The following SYT9 variants were observed in gnomAD, a reference collection of about 807,000 sequenced individuals.
SYT9 encodes synaptotagmin-9.
Under a neutral mutation model 48.4 loss-of-function variants are expected in SYT9, and 22 were observed. The ratio of observed to expected loss-of-function variants is 0.45; its 90% CI spans 0.32 to 0.65. The LOEUF (loss-of-function observed/expected upper bound fraction) is 0.65, where lower values mean the gene tolerates loss of function less well. Among genes scored for constraint, SYT9 ranks in the 30% least tolerant of loss-of-function variants. The pLI is 0.03. For missense variants in SYT9, 577 were observed against 622.0 expected (o/e 0.93, Z 0.77); for synonymous variants, 265 against 245.0 (o/e 1.08, Z -0.76).
At chr11:7,411,722 G>A (rs1444858228) in intron 3 of SYT9, among the ~76,000 whole-genome samples, 1 of 152,042 alleles carries the variant, frequency 6.6e-6, no homozygotes, top group African/African-American at 2.4e-5. Flanking sequence ...GTATTTGTGT[G>A]GGGTTCTCTG....
At chr11:7,425,830 A>G (rs1162948334) in intron 6 of SYT9, among the ~76,000 whole-genome samples, 4 of 152,202 alleles carry the variant, frequency 2.6e-5, no homozygotes, top group African/African-American at 9.7e-5. Context: ...TGCTGCTGCA[A>G]TATCTTGCCC....
intron 3 of SYT9, among the ~76,000 whole-genome samples, chr11:7,382,196 C>T (rs1850578292): frequency 6.6e-6 from 1 of 152,176 alleles, no homozygotes; most frequent in Non-Finnish European, 1.5e-5. Flanking sequence ...GCCATCCTGC[C>T]CAATGGTCTC....
At chr11:7,439,330 C>G (rs910445976) in intron 6 of SYT9, 1 of 152,246 alleles carries the variant, frequency 6.6e-6, no homozygotes, top group African/African-American at 2.4e-5. Context: ...TGTGCTCCAG[C>G]AGACAAAGAA....
chr11:7,254,619 C>A (rs1050453085), intron 1 of SYT9, among the ~76,000 whole-genome samples: 1 of 152,140 alleles, frequency 6.6e-6, no homozygotes, highest in Non-Finnish European at 1.5e-5. Flanking sequence ...CACAGCAGCC[C>A]TGAGACATGG....
chr11:7,252,341 G>A lies in SYT9; in HGVS notation c.145+10G>A. On this transcript the variant is annotated intron_variant, in intron 1 of 6. Transcript: ENST00000318881. The surrounding 1 kb of genome is among the most constrained non-coding windows in gnomAD (Gnocchi z 6.3). ...CGGCTCCGCGACCCAGGTGAGTGCC[G>A]CCACCGCCGCCTGGAGGGACCTAAG... is the stretch of plus-strand genomic sequence containing the variant. The A allele has an allele frequency of 5.5e-6, 8 of 1,456,234 alleles. No homozygotes were observed. The highest frequency in any genetic ancestry group is 2.9e-5 in the South Asian group (2 of 70,080). 90.2% of individuals were successfully genotyped at this position (1,456,234 alleles called of 1,614,324 possible). A position where few individuals can be genotyped will look rare whatever the true frequency, so the allele number is the denominator to read the frequency against.
intron 1 of SYT9, among the ~76,000 whole-genome samples, chr11:7,265,159 A>G (rs1465468393): frequency 1.3e-5 from 2 of 152,240 alleles, no homozygotes; most frequent in East Asian, 3.9e-4. Flanking sequence ...ATGTGCCTGG[A>G]AAGATGTGCT....
At chr11:7,412,178 C>T (rs911243439) in intron 3 of SYT9, among the ~76,000 whole-genome samples, 1 of 152,140 alleles carries the variant, frequency 6.6e-6, no homozygotes, top group South Asian at 2.1e-4. Context: ...CCCATGATTT[C>T]ATTGATTTTT....
At chr11:7,330,509 G>T (rs563517601) in intron 3 of SYT9, among the ~76,000 whole-genome samples, 28 of 152,074 alleles carry the variant, frequency 1.8e-4, no homozygotes, top group African/African-American at 6.5e-4. Context: ...GGAAAATAAA[G>T]AATTAAATGA....
rs1413281834 is a variant in SYT9 at position 7,292,742 on chromosome 11, T to C, written c.146-10297T>C. The stretch of plus-strand genomic sequence containing the variant: ...AAGAATCCTAGCACATCTGAGTGTT[T>C]CCATTTACACTGCACAGGCCAGAAT... On this transcript the variant is annotated intron_variant, in intron 1 of 6. Transcript: ENST00000318881. Among the ~76,000 whole-genome samples the C allele has an allele frequency of 2.0e-5, 3 of 152,218 alleles. No homozygotes were observed. In the East Asian group the frequency reaches 5.8e-4, roughly 29 times the overall value.
chr11:7,307,682 A>G (rs562292267), intron 2 of SYT9, among the ~76,000 whole-genome samples: 1 of 152,234 alleles, frequency 6.6e-6, no homozygotes, highest in African/African-American at 2.4e-5. Context: ...TCTGGAAAGA[A>G]TGCATAAGAT....
intron 6 of SYT9, chr11:7,457,451 A>C (rs929289967): frequency 2.6e-5 from 4 of 152,212 alleles, no homozygotes; most frequent in African/African-American, 9.6e-5. Context: ...TCATTGTATA[A>C]CAAGCACCTG....
chr11:7,411,739 C>G (rs1344671201), intron 3 of SYT9, among the ~76,000 whole-genome samples: 1 of 152,058 alleles, frequency 6.6e-6, no homozygotes, highest in Non-Finnish European at 1.5e-5. Flanking sequence ...TCTGAGCCCC[C>G]TATATGAGTC....
intron 1 of SYT9, among the ~76,000 whole-genome samples, chr11:7,264,306 T>C (rs1252538783): frequency 6.6e-6 from 1 of 152,152 alleles, no homozygotes; most frequent in Non-Finnish European, 1.5e-5. Flanking sequence ...CTGCTTGAAG[T>C]TGGCGATCAT....
chr11:7,429,452 CA>C (rs1275040864), intron 6 of SYT9, among the ~76,000 whole-genome samples: 2 of 152,158 alleles, frequency 1.3e-5, no homozygotes, highest in Admixed American at 1.3e-4. Context: ...ACAAAGAAAC[CA>C]GATTCTCAGT....
At chr11:7,294,491 A>T (rs1371679120) in intron 1 of SYT9, among the ~76,000 whole-genome samples, 1 of 152,220 alleles carries the variant, frequency 6.6e-6, no homozygotes. Flanking sequence ...GTGAAACCAA[A>T]CAAGTTATGT....
chr11:7,261,747 C>T (rs1191930143), intron 1 of SYT9, among the ~76,000 whole-genome samples: 1 of 151,512 alleles, frequency 6.6e-6, no homozygotes, highest in Non-Finnish European at 1.5e-5. Context: ...GTACAAAGGT[C>T]TCAAGGCAGG....
chr11:7,446,807 C>G (rs1245327048), intron 6 of SYT9, among the ~76,000 whole-genome samples: 1 of 104,866 alleles, frequency 9.5e-6, no homozygotes, highest in Non-Finnish European at 1.9e-5. Context: ...TCCTGCCCTG[C>G]CCTTTCTGTC....
At chr11:7,340,608 CT>C (rs1318972608) in intron 3 of SYT9, among the ~76,000 whole-genome samples, 1 of 152,166 alleles carries the variant, frequency 6.6e-6, no homozygotes, top group Non-Finnish European at 1.5e-5. Flanking sequence ...GGACCAGGAC[CT>C]GTATGGAGAA....
chr11:7,418,225 C>A, intron 5 of SYT9, 97 bp downstream of exon 5: 1 of 1,376,494 alleles, frequency 7.3e-7, no homozygotes. Context: ...ACCTGGTGTC[C>A]CAGGCTGCAG....
Sources: gnomAD v4.1 joint callset for allele counts (sites outside exome capture counted in the v4.1 genomes callset) on GRCh38, gnomAD v4.1.1 for gene constraint, Gnocchi (gnomAD v3.1) non-coding constraint, MANE v1.5 for transcripts, NCBI Gene and HGNC (gene_info 2026-07-23, HGNC 2026-07-21) for gene names.